GSG1L2: variants seen among roughly 807,000 people sequenced by gnomAD.
The protein encoded by GSG1L2 is GSG1 like 2, also known as germ cell-specific gene 1-like protein 2.
A neutral mutation model predicts 9.0 loss-of-function variants in GSG1L2; 15 were observed. The observed-to-expected ratio is 1.67, with a 90% CI of 1.12 to 2.57. The LOEUF (loss-of-function observed/expected upper bound fraction) is 2.57, where lower values mean the gene tolerates loss of function less well. Ranked by LOEUF, GSG1L2 falls within the 30% of genes most tolerant of loss-of-function variation. The pLI is 0.00. For missense variants in GSG1L2, 286 were observed against 150.3 expected (o/e 1.90, Z -4.72); for synonymous variants, 127 against 57.9 (o/e 2.19, Z -5.41).
rs1421214346 is a variant in GSG1L2 at position 9,801,540 on chromosome 17, T to C, written c.*846A>G. 6.6e-6 allele frequency among the ~76,000 whole-genome samples: 1 copy of C among 152,186 alleles called. No homozygotes were observed. The highest frequency in any genetic ancestry group is 1.5e-5 in the Non-Finnish European group (1 of 68,026). ...CCCTTTCTTTTTTCAAAAAATCAAA[T>C]TATGTGTGGAACAACCTGTGGCCTG... On this transcript the variant is annotated 3_prime_UTR_variant, in exon 5 of 5. Transcript: ENST00000399363.
chr17:9,813,665 G>T (rs898434407), intron 1 of GSG1L2, among the ~76,000 whole-genome samples: 1 of 152,194 alleles, frequency 6.6e-6, no homozygotes, highest in Non-Finnish European at 1.5e-5. Context: ...GAACTCGGGG[G>T]CTGATGCAGA....
intron 1 of GSG1L2, among the ~76,000 whole-genome samples, chr17:9,816,572 G>C (rs2066563351): frequency 2.0e-5 from 2 of 100,702 alleles, no homozygotes; most frequent in African/African-American, 1.1e-4. Flanking sequence ...GCATATCTGT[G>C]TCTGTGTGTG....
rs1254659107 is a variant in GSG1L2, at chr17:9,809,575, T to TC, written c.359-594dup. 3.2e-5 allele frequency: 5 copies of TC among 157,410 alleles called. No individual in the cohort carries two copies. The South Asian group carries it at 7.8e-4, about 25-fold the overall frequency. 9.8% of individuals were successfully genotyped at this position (157,410 alleles called of 1,614,324 possible). On this transcript the variant is annotated intron_variant, in intron 2 of 4. Transcript: ENST00000399363. ...TATCAGAGTGCCCTTTTTCCAGTCC[T>TC]CCCCGCTATTGGCTACTTTTAGAAT...
Position 9,807,518 on chromosome 17 carries a change from G to A in GSG1L2, c.595C>T (p.Gln199Ter). 1.4e-6 allele frequency: 1 copy of A among 703,028 alleles called. No individual in the cohort carries two copies. Among genetic ancestry groups the A allele is most frequent in the Middle Eastern group, 2.3e-4 (1 of 4,370 alleles). The allele number at this position is 703,028 out of a possible 1,614,324, so 43.5% of individuals were successfully genotyped here. ...TATGACCAGCCATAGTCCCAGGTCT[G>A]AGGCTTCCAATCTTCTGGTCCAAGG... The part of the protein sequence containing the change: ...VNLGPEDWKP[Q>*]TWDYGWSYCL... The change falls in exon 4 of 5, where the codon CAG becomes TAG. Residue 199 changes from glutamine to a stop codon, truncating the protein, a stop_gained. Transcript: ENST00000399363. LOFTEE classifies it low-confidence loss of function (END_TRUNC).
Position 9,820,281 on chromosome 17 carries a change from CT to C in GSG1L2, c.310+1480del, listed in dbSNP as rs1168847451. ...GGAAACAGAAGTACTATAGGCAGTC[CT>C]CATATGAGAACTTGGAAAGGAGATG... On this transcript the variant is annotated intron_variant, in intron 1 of 4. Transcript: ENST00000399363. This position sits in a 1 kb window ranked among gnomAD's most constrained non-coding sequence, Gnocchi z 4.9. 6.6e-6 allele frequency among the ~76,000 whole-genome samples: 1 copy of C among 152,060 alleles called. No homozygotes were observed. Among genetic ancestry groups the C allele is most frequent in the African/African-American group, 2.4e-5 (1 of 41,398 alleles).
Position 9,802,443 on chromosome 17 carries a change from G to A in GSG1L2, c.825C>T (p.Phe275=), listed in dbSNP as rs763194191. The change falls in exon 5 of 5, where the codon TTC becomes TTT. Residue 275 remains phenylalanine (F), a synonymous_variant. Transcript: ENST00000399363. ...GTGGGAGGTGTCCAGAAACATTCCT[G>A]AAGGCTTGTTCAGCAGGGCAAGGAG... is the stretch of plus-strand genomic sequence containing the variant. The part of the protein sequence containing the change: ...GAAPCPAEQA[F]RNVSGHLPPG... 5 of 700,294 alleles carry A rather than the reference G, an allele frequency of 7.1e-6. No homozygotes were observed. The highest frequency in any genetic ancestry group is 4.4e-5 in the South Asian group (3 of 67,464). The allele number at this position is 700,294 out of a possible 1,614,324, so 43.4% of individuals were successfully genotyped here. A position where few individuals can be genotyped will look rare whatever the true frequency, so the allele number is the denominator to read the frequency against.
intron 1 of GSG1L2, among the ~76,000 whole-genome samples, chr17:9,821,280 T>C (rs2066588531): frequency 6.6e-6 from 1 of 152,250 alleles, no homozygotes; most frequent in East Asian, 1.9e-4. Context: ...AACACTTCTG[T>C]TTTTAAAGAT....
At position 9,807,305 on chromosome 17, in the gene GSG1L2, G is replaced by A. The variant is rs74968297; in HGVS notation, c.623+185C>T. ...TTAAATCCCTATACAAACATTTGAG[G>A]CAGGTATCCTCACTTTATCGATGAG... On this transcript the variant is annotated intron_variant, in intron 4 of 4. Transcript: ENST00000399363. Among the ~76,000 whole-genome samples the A allele has an allele frequency of 2.9e-3, 440 of 152,300 alleles. 2 individuals carry two copies. The highest frequency in any genetic ancestry group is 0.01 in the African/African-American group (419 of 41,566).
In GSG1L2 at chr17:9,807,606, G is replaced by C; in HGVS notation, c.512-5C>G. 1 of 703,376 alleles carries C rather than the reference G, an allele frequency of 1.4e-6. No homozygotes were observed. Among genetic ancestry groups the C allele is most frequent in the Non-Finnish European group, 2.6e-6 (1 of 385,022 alleles). The allele number at this position is 703,376 out of a possible 1,614,324, so 43.6% of individuals were successfully genotyped here. A position where few individuals can be genotyped will look rare whatever the true frequency, so the allele number is the denominator to read the frequency against. ...GGGCCACCATGCCTAGAAGCCCTGC[G>C]CAAGGAAAGCTCTGTGAGTCACAGC... On this transcript the variant is annotated splice_region_variant and splice_polypyrimidine_tract_variant and intron_variant, in intron 3 of 4. Coordinates refer to ENST00000399363, the MANE Select transcript of GSG1L2 (RefSeq NM_001310219.2).
At chr17:9,809,421 G>T (rs188336428) in intron 2 of GSG1L2, 50 of 185,478 alleles carry the variant, frequency 2.7e-4, no homozygotes, top group African/African-American at 1.1e-3. Flanking sequence ...GCGGTAGCAA[G>T]GTTTATTGTG....
At position 9,820,050 on chromosome 17, in the gene GSG1L2, G is replaced by A. The variant is rs1053483862; in HGVS notation, c.310+1712C>T. 3.3e-5 allele frequency among the ~76,000 whole-genome samples: 5 copies of A among 151,832 alleles called. No homozygotes were observed. The highest frequency in any genetic ancestry group is 9.7e-5 in the African/African-American group (4 of 41,380). ...AGTTGCAGTGAGCTGAGATTGCGCC[G>A]TTGCAATCCAGCCTGGGCAACGAGA... On this transcript the variant is annotated intron_variant, in intron 1 of 4. Coordinates refer to ENST00000399363, the MANE Select transcript of GSG1L2 (RefSeq NM_001310219.2). The surrounding 1 kb of genome is among the most constrained non-coding windows in gnomAD (Gnocchi z 4.9).
intron 1 of GSG1L2, among the ~76,000 whole-genome samples, chr17:9,812,895 A>G (rs11869438): frequency 0.52 from 78,305 of 152,028 alleles, 20,973 homozygotes; most frequent in African/African-American, 0.66. Context: ...GGGCCACCAT[A>G]CCTGGCCAGC....
rs1042275964 is a variant in GSG1L2, at chr17:9,807,615, G to T, written c.512-14C>A. The T allele has an allele frequency of 2.8e-6, 2 of 703,260 alleles. No homozygotes were observed. The highest frequency in any genetic ancestry group is 3.5e-5 in the African/African-American group (2 of 57,262). The allele number at this position is 703,260 out of a possible 1,614,324, so 43.6% of individuals were successfully genotyped here. ...TGCCTAGAAGCCCTGCGCAAGGAAA[G>T]CTCTGTGAGTCACAGCTAAGAAGAC... On this transcript the variant is annotated splice_polypyrimidine_tract_variant and intron_variant, in intron 3 of 4. Transcript: ENST00000399363.
intron 1 of GSG1L2, among the ~76,000 whole-genome samples, chr17:9,813,651 C>G (rs189313748): frequency 6.6e-6 from 1 of 152,206 alleles, no homozygotes. Flanking sequence ...TGCTCTCTCT[C>G]GGAGAACTCG....
intron 1 of GSG1L2, among the ~76,000 whole-genome samples, chr17:9,816,929 T>TGTGTATCC (rs1413938088): frequency 1.8e-4 from 9 of 49,256 alleles, no homozygotes; most frequent in Non-Finnish European, 2.7e-4. Context: ...TGTGTGTGTG[T>TGTGTATCC]GTGTGTGTGT....
At chr17:9,807,680 A>G (rs376702894) in intron 3 of GSG1L2, 79 bp from the exon 4 acceptor site, 15 of 697,510 alleles carry the variant, frequency 2.2e-5, no homozygotes, top group African/African-American at 1.8e-4. Context: ...GTTGGCTGTA[A>G]GGAGCTCTCT....
At chr17:9,817,797 A>C (rs570137921) in intron 1 of GSG1L2, among the ~76,000 whole-genome samples, 1 of 152,184 alleles carries the variant, frequency 6.6e-6, no homozygotes, top group East Asian at 1.9e-4. Flanking sequence ...CTTATGTTGC[A>C]GGGAAGGAGA....
rs1313876781 is a variant in GSG1L2 at position 9,820,097 on chromosome 17, A to G, written c.310+1665T>C. On this transcript the variant is annotated intron_variant, in intron 1 of 4. Transcript: ENST00000399363. This position sits in a 1 kb window ranked among gnomAD's most constrained non-coding sequence, Gnocchi z 4.9. Reference sequence around the variant, plus strand: ...GAGAGGGAAATTCCATCTCAAAATAAAAAATAAAATAAAATAAAATAAAAT... The same window carrying G: ...GAGAGGGAAATTCCATCTCAAAATAGAAAATAAAATAAAATAAAATAAAAT... 6.6e-6 allele frequency among the ~76,000 whole-genome samples: 1 copy of G among 151,882 alleles called. No individual in the cohort carries two copies. The highest frequency in any genetic ancestry group is 1.5e-5 in the Non-Finnish European group (1 of 68,000).
intron 1 of GSG1L2, among the ~76,000 whole-genome samples, chr17:9,816,464 C>CTG (rs1847809177): frequency 2.7e-5 from 2 of 74,886 alleles, no homozygotes; most frequent in Admixed American, 1.6e-4. Flanking sequence ...GTGTGTGCGT[C>CTG]CGTGTGCGTG....
Sources: allele counts gnomAD v4.1 joint callset (sites outside exome capture counted in the v4.1 genomes callset), GRCh38; gene constraint gnomAD v4.1.1; non-coding constraint Gnocchi (gnomAD v3.1); transcripts MANE v1.5; gene names NCBI Gene and HGNC (gene_info 2026-07-23, HGNC 2026-07-21).